CDKN2B: variants seen among roughly 807,000 people sequenced by gnomAD.
CDKN2B encodes cyclin-dependent kinase 4 inhibitor B.
A neutral mutation model predicts 7.7 loss-of-function variants in CDKN2B; 8 were observed. The observed-to-expected ratio is 1.04, with a 90% CI of 0.61 to 1.87. CDKN2B has a LOEUF of 1.87. Among genes scored for constraint, CDKN2B ranks in the 40% most tolerant of loss-of-function variants. The pLI is 0.00. For synonymous variants in CDKN2B, 93 were observed against 95.8 expected, an observed-to-expected ratio of 0.97 and a Z score of 0.17; for missense variants, 244 against 213.1, an observed-to-expected ratio of 1.15 and a Z score of -0.90.
Position 22,005,386 on chromosome 9 carries a change from CAG to C in CDKN2B, c.*599_*600del, listed in dbSNP as rs542878873. 9.5e-4 allele frequency: 233 copies of C among 245,178 alleles called. 2 individuals are homozygous for C. Among genetic ancestry groups the C allele is most frequent in the African/African-American group, 4.7e-3 (212 of 45,524 alleles). The allele number at this position is 245,178 out of a possible 1,614,324, so 15.2% of individuals were successfully genotyped here. ...GTTGGGCGAGGGTCTCCAGGGCTTCCAGAGAGTGTCGTTTACGCATGTGACTT... is the reference window on the plus strand; with the variant it reads ...GTTGGGCGAGGGTCTCCAGGGCTTCCAGAGTGTCGTTTACGCATGTGACTT... On this transcript the variant is annotated 3_prime_UTR_variant, in exon 2 of 2. Transcript: ENST00000276925. The surrounding 1 kb of genome is among the most constrained non-coding windows in gnomAD (Gnocchi z 4.9).
In CDKN2B at chr9:22,008,874, A is replaced by G; in HGVS notation, c.80T>C (p.Val27Ala). Reference protein sequence around the residue: ...GLASAAARGLVEKVRQLLEAG... With the variant: ...GLASAAARGLAEKVRQLLEAG... ...TTCCAGGAGCTGTCGCACCTTCTCC[A>G]CTAGTCCCCGCGCCGCGGCGCTGGC... Residue 27 changes from valine to alanine, a missense_variant, in exon 1 of 2, where the codon GTG (valine) becomes GCG (alanine). Coordinates refer to ENST00000276925, the MANE Select transcript of CDKN2B (RefSeq NM_004936.4). 6.2e-7 allele frequency: 1 copy of G among 1,612,120 alleles called. No individual in the cohort carries two copies. Among genetic ancestry groups the G allele is most frequent in the Non-Finnish European group, 8.5e-7 (1 of 1,179,580 alleles).
At chr9:22,007,358 CA>C (rs3217977) in intron 1 of CDKN2B, among the ~76,000 whole-genome samples, 105,335 of 151,394 alleles carry the variant, frequency 0.7, 38,728 homozygotes, top group African/African-American at 0.92. Flanking sequence ...GGCCTCATCT[CA>C]AAAAAAATAA....
In CDKN2B at chr9:22,005,137, T is replaced by TGC. The variant is rs1821103552; in HGVS notation, c.*849_*850insGC. 3 of 232,916 alleles carry TGC rather than the reference T, an allele frequency of 1.3e-5. No individual in the cohort carries two copies. Among genetic ancestry groups the TGC allele is most frequent in the African/African-American group, 4.4e-5 (2 of 45,224 alleles). 14.4% of individuals were successfully genotyped at this position (232,916 alleles called of 1,614,324 possible). On this transcript the variant is annotated 3_prime_UTR_variant, in exon 2 of 2. Coordinates refer to ENST00000276925, the MANE Select transcript of CDKN2B (RefSeq NM_004936.4). This position sits in a 1 kb window ranked among gnomAD's most constrained non-coding sequence, Gnocchi z 4.9. The stretch of plus-strand genomic sequence containing the variant: ...ATGTGTGTGTGTGTGTGTGTGTGTG[T>TGC]GTGTGAAAGAAAACGTTACAGTTAA...
chr9:22,007,179 G>A (rs2131184647), intron 1 of CDKN2B, among the ~76,000 whole-genome samples: 1 of 152,196 alleles, frequency 6.6e-6, no homozygotes, highest in East Asian at 1.9e-4. Flanking sequence ...GGCCAACATG[G>A]TGAAATCCCG....
rs190569642 is a variant in CDKN2B, at chr9:22,007,936, T to A, written c.156+862A>T. ...TTTAAAATCTATACTATTAACAAGATCCCTTAATATTAGCTTAGTTTTAGA... is the reference window on the plus strand; with the variant it reads ...TTTAAAATCTATACTATTAACAAGAACCCTTAATATTAGCTTAGTTTTAGA... On this transcript the variant is annotated intron_variant, in intron 1 of 1. Transcript: ENST00000276925. Among the ~76,000 whole-genome samples, 8 of 152,310 alleles carry A rather than the reference T, an allele frequency of 5.3e-5. No homozygotes were observed. The South Asian group carries it at 1.4e-3, about 28-fold the overall frequency.
In CDKN2B at chr9:22,006,472, T is replaced by C. The variant is rs1397403106; in HGVS notation, c.157-225A>G. On this transcript the variant is annotated intron_variant, in intron 1 of 1. Coordinates refer to ENST00000276925, the MANE Select transcript of CDKN2B (RefSeq NM_004936.4). This position sits in a 1 kb window ranked among gnomAD's most constrained non-coding sequence, Gnocchi z 6.4. ...ACTCAGTACAAATTAAATGCCATTT[T>C]ATTCTCTAAACGTGCAGAGACAAGA... Among the ~76,000 whole-genome samples the C allele has an allele frequency of 9.2e-5, 14 of 152,222 alleles. No homozygotes were observed. The highest frequency in any genetic ancestry group is 8.8e-5 in the Non-Finnish European group (6 of 68,040).
Position 22,005,960 on chromosome 9 carries a change from CGTT to C in CDKN2B, c.*24_*26del. 6.3e-7 allele frequency: 1 copy of C among 1,598,336 alleles called. No homozygotes were observed. Among genetic ancestry groups the C allele is most frequent in the African/African-American group, 1.3e-5 (1 of 75,006 alleles). On this transcript the variant is annotated 3_prime_UTR_variant, in exon 2 of 2. Coordinates refer to ENST00000276925, the MANE Select transcript of CDKN2B (RefSeq NM_004936.4). The surrounding 1 kb of genome is among the most constrained non-coding windows in gnomAD (Gnocchi z 4.9). Reference sequence around the variant, plus strand: ...GGGAAATTGGGTAAGAAAATAAAGTCGTTGTGGGCGGCTGGGGAACCTGGCGTC... The same window carrying C: ...GGGAAATTGGGTAAGAAAATAAAGTCGTGGGCGGCTGGGGAACCTGGCGTC...
chr9:22,009,107 G>A lies in CDKN2B; in HGVS notation c.-154C>T. ...CATTACCCTCCCGTCGTCCTTCTGC[G>A]GCTTGGGGCCCCGTGCAGTGGCCGA... On this transcript the variant is annotated 5_prime_UTR_variant, in exon 1 of 2. Coordinates refer to ENST00000276925, the MANE Select transcript of CDKN2B (RefSeq NM_004936.4). The A allele has an allele frequency of 8.2e-7, 1 of 1,212,986 alleles. No homozygotes were observed. The highest frequency in any genetic ancestry group is 1.2e-6 in the Non-Finnish European group (1 of 849,518). 75.1% of individuals were successfully genotyped at this position (1,212,986 alleles called of 1,614,324 possible). A position where few individuals can be genotyped will look rare whatever the true frequency, so the allele number is the denominator to read the frequency against.
Position 22,008,978 on chromosome 9 carries a change from G to C in CDKN2B, c.-25C>G. 6.2e-7 allele frequency: 1 copy of C among 1,613,288 alleles called. No homozygotes were observed. Among genetic ancestry groups the C allele is most frequent in the Non-Finnish European group, 8.5e-7 (1 of 1,179,970 alleles). On this transcript the variant is annotated 5_prime_UTR_variant, in exon 1 of 2. Transcript: ENST00000276925. ...TTCCGCAGCCCCCAGACGCGCAGCG[G>C]CCCGGATAATCCACCGTTGGCCGTA...
chr9:22,008,970 G>C lies in CDKN2B; in HGVS notation c.-17C>G. The C allele has an allele frequency of 1.2e-6, 2 of 1,613,226 alleles. No individual in the cohort carries two copies. The highest frequency in any genetic ancestry group is 1.7e-4 in the Middle Eastern group (1 of 6,054). ...CTCGCGCATTCCGCAGCCCCCAGAC[G>C]CGCAGCGGCCCGGATAATCCACCGT... On this transcript the variant is annotated 5_prime_UTR_variant, in exon 1 of 2. Coordinates refer to ENST00000276925, the MANE Select transcript of CDKN2B (RefSeq NM_004936.4).
Position 22,009,126 on chromosome 9 carries a change from T to G in CDKN2B, c.-173A>C. Reference sequence around the variant, plus strand: ...TTCTGCGGCTTGGGGCCCCGTGCAGTGGCCGAGCGGCCGGTCGTTAGCTCC... The same window carrying G: ...TTCTGCGGCTTGGGGCCCCGTGCAGGGGCCGAGCGGCCGGTCGTTAGCTCC... On this transcript the variant is annotated 5_prime_UTR_variant, in exon 1 of 2. Transcript: ENST00000276925. The G allele has an allele frequency of 2.2e-6, 2 of 893,850 alleles. No homozygotes were observed. Among genetic ancestry groups the G allele is most frequent in the South Asian group, 1.6e-5 (1 of 61,934 alleles). 55.4% of individuals were successfully genotyped at this position (893,850 alleles called of 1,614,324 possible). A position where few individuals can be genotyped will look rare whatever the true frequency, so the allele number is the denominator to read the frequency against.
chr9:22,009,169 C>G lies in CDKN2B; in HGVS notation c.-216G>C, dbSNP rs894498427. On this transcript the variant is annotated 5_prime_UTR_variant, in exon 1 of 2. Transcript: ENST00000276925. The stretch of plus-strand genomic sequence containing the variant: ...TTAGCTCCGGGCTTTTCCTGGCGCT[C>G]AAGAACCAGCGGGCGCGCCTGGATT... The G allele has an allele frequency of 6.0e-6, 4 of 665,022 alleles. No homozygotes were observed. The highest frequency in any genetic ancestry group is 5.5e-5 in the African/African-American group (3 of 54,674). The allele number at this position is 665,022 out of a possible 1,614,324, so 41.2% of individuals were successfully genotyped here. A position where few individuals can be genotyped will look rare whatever the true frequency, so the allele number is the denominator to read the frequency against.
Position 22,009,036 on chromosome 9 carries a change from C to G in CDKN2B, c.-83G>C. ...CGACACTCTTCCCTTCTTTCCCACG[C>G]TGCTCCGGCGCACTCTCTCCTTCCT... On this transcript the variant is annotated 5_prime_UTR_variant, in exon 1 of 2. Transcript: ENST00000276925. 1 of 1,589,712 alleles carries G rather than the reference C, an allele frequency of 6.3e-7. No homozygotes were observed. The highest frequency in any genetic ancestry group is 1.1e-5 in the South Asian group (1 of 90,286).
rs1194965272 is a variant in CDKN2B, at chr9:22,008,459, T to G, written c.156+339A>C. Among the ~76,000 whole-genome samples the G allele has an allele frequency of 2.0e-5, 3 of 152,220 alleles. No homozygotes were observed. In the East Asian group the frequency reaches 5.8e-4, roughly 29 times the overall value. ...TAGAATGCGTAACTTATACTTTACT[T>G]ATCTTTATCGTTGAAAGCAGACAGA... is the stretch of plus-strand genomic sequence containing the variant. On this transcript the variant is annotated intron_variant, in intron 1 of 1. Transcript: ENST00000276925.
rs930595711 is a variant in CDKN2B at position 22,006,307 on chromosome 9, C to T, written c.157-60G>A. 1.6e-5 allele frequency: 26 copies of T among 1,595,540 alleles called. No individual in the cohort carries two copies. The highest frequency in any genetic ancestry group is 4.5e-5 in the East Asian group (2 of 44,812). ...GGGGGCAGGTATGGGAGATGCCGGC[C>T]GGGGCAAGGCAGGTGGAGCCATTTA... is the stretch of plus-strand genomic sequence containing the variant. On this transcript the variant is annotated intron_variant, in intron 1 of 1. Coordinates refer to ENST00000276925, the MANE Select transcript of CDKN2B (RefSeq NM_004936.4). This position sits in a 1 kb window ranked among gnomAD's most constrained non-coding sequence, Gnocchi z 6.4.
chr9:22,004,111 A>G lies in CDKN2B; in HGVS notation c.*1876T>C. On this transcript the variant is annotated 3_prime_UTR_variant, in exon 2 of 2. Coordinates refer to ENST00000276925, the MANE Select transcript of CDKN2B (RefSeq NM_004936.4). ...ATCTCTCAGGTTTAAATATTAAATT[A>G]ACAAATATATTTTAATGCATACCTG... The G allele has an allele frequency of 4.3e-6, 1 of 232,486 alleles. No homozygotes were observed. Among genetic ancestry groups the G allele is most frequent in the East Asian group, 6.1e-5 (1 of 16,396 alleles). The allele number at this position is 232,486 out of a possible 1,614,324, so 14.4% of individuals were successfully genotyped here.
At position 22,006,175 on chromosome 9, in the gene CDKN2B, G is replaced by A. The variant is rs765231771; in HGVS notation, c.229C>T (p.Pro77Ser). 1.9e-6 allele frequency: 3 copies of A among 1,610,484 alleles called. No homozygotes were observed. Among genetic ancestry groups the A allele is most frequent in the Middle Eastern group, 1.7e-4 (1 of 5,836 alleles). The part of the protein sequence containing the change: ...LHGAEPNCAD[P>S]ATLTRPVHDA... The stretch of plus-strand genomic sequence containing the variant: ...TGCACCGGTCGGGTGAGAGTGGCAG[G>A]GTCTGCGCAGTTGGGCTCCGCGCCG... Residue 77 changes from proline (P) to serine (S), a missense_variant, in exon 2 of 2, where the codon CCT (proline) becomes TCT (serine). Pro to Ser is a moderately conservative substitution (Grantham distance 74). Coordinates refer to ENST00000276925, the MANE Select transcript of CDKN2B (RefSeq NM_004936.4). The surrounding 1 kb of genome is among the most constrained non-coding windows in gnomAD (Gnocchi z 6.4).
At position 22,006,912 on chromosome 9, in the gene CDKN2B, A is replaced by C. The variant is rs1204638584; in HGVS notation, c.157-665T>G. Among the ~76,000 whole-genome samples the C allele has an allele frequency of 6.6e-6, 1 of 152,128 alleles. No individual in the cohort carries two copies. The highest frequency in any genetic ancestry group is 1.9e-4 in the East Asian group (1 of 5,202). On this transcript the variant is annotated intron_variant, in intron 1 of 1. Coordinates refer to ENST00000276925, the MANE Select transcript of CDKN2B (RefSeq NM_004936.4). This position sits in a 1 kb window ranked among gnomAD's most constrained non-coding sequence, Gnocchi z 6.4. The stretch of plus-strand genomic sequence containing the variant: ...AAATTAAATCATGCAAAATCTTATA[A>C]AATTATAATAAATGATTTTTCCTTA...
At position 22,008,994 on chromosome 9, in the gene CDKN2B, G is replaced by A. The variant is rs2131191088; in HGVS notation, c.-41C>T. On this transcript the variant is annotated 5_prime_UTR_variant, in exon 1 of 2. It adds an upstream start codon to the 5' untranslated region. Coordinates refer to ENST00000276925, the MANE Select transcript of CDKN2B (RefSeq NM_004936.4). ...CGCGCAGCGGCCCGGATAATCCACCGTTGGCCGTAAACTTAACGACACTCT... is the reference window on the plus strand; with the variant it reads ...CGCGCAGCGGCCCGGATAATCCACCATTGGCCGTAAACTTAACGACACTCT... 6.2e-7 allele frequency: 1 copy of A among 1,613,266 alleles called. No homozygotes were observed. Among genetic ancestry groups the A allele is most frequent in the African/African-American group, 1.3e-5 (1 of 75,044 alleles).
Sources: gnomAD v4.1 joint callset for allele counts (sites outside exome capture counted in the v4.1 genomes callset) on GRCh38, gnomAD v4.1.1 for gene constraint, Gnocchi (gnomAD v3.1) non-coding constraint, MANE v1.5 for transcripts, NCBI Gene and HGNC (gene_info 2026-07-23, HGNC 2026-07-21) for gene names.